Variants in PTCH1 observed in about 807,000 individuals in gnomAD.
The protein encoded by PTCH1 is patched 1.
In PTCH1, 14 loss-of-function variants were observed where a neutral mutation model predicts 144.6. That is an observed-to-expected ratio of 0.10 (90% confidence interval 0.06 to 0.15). PTCH1 has a LOEUF of 0.15. Among genes scored for constraint, PTCH1 ranks in the 10% least tolerant of loss-of-function variants. The pLI, the probability that PTCH1 is intolerant of heterozygous loss-of-function variation, is 1.00. For missense variants in PTCH1, 1,623 were observed against 1,948.3 expected, an observed-to-expected ratio of 0.83 and a Z score of 3.14; for synonymous variants, 833 against 793.6, an observed-to-expected ratio of 1.05 and a Z score of -0.83.
intron 6 of PTCH1, 100 bp from the exon 7 acceptor site, chr9:95,480,190 A>G (rs2118403080): frequency 6.3e-7 from 1 of 1,582,008 alleles, no homozygotes; most frequent in Non-Finnish European, 8.6e-7. Context: ...TTCAGAGAGA[A>G]CATTAATAGC....
intron 15 of PTCH1, among the ~76,000 whole-genome samples, chr9:95,463,640 A>G (rs2136703848): frequency 6.6e-6 from 1 of 152,208 alleles, no homozygotes; most frequent in African/African-American, 2.4e-5. Context: ...TCCCTTAACC[A>G]GCTAATCCTG....
At chr9:95,483,159 T>C (rs1213263595) in intron 3 of PTCH1, 1 of 151,590 alleles carries the variant, frequency 6.6e-6, no homozygotes, top group Non-Finnish European at 1.5e-5. Flanking sequence ...TCCCAGCTAC[T>C]CGGGAGGCAG....
At chr9:95,494,239 G>A (rs1426732273) in intron 2 of PTCH1, 1 of 985,484 alleles carries the variant, frequency 1.0e-6, no homozygotes, top group Non-Finnish European at 1.2e-6. Context: ...TGCTCCCTCT[G>A]AATGGCTTTC....
At chr9:95,479,921 A>G (rs1299341532) in intron 7 of PTCH1, 48 bp downstream of exon 7, 1 of 1,614,024 alleles carries the variant, frequency 6.2e-7, no homozygotes, top group Non-Finnish European at 8.5e-7. Flanking sequence ...GCTTTTGAGG[A>G]AAGGAAGAAG....
intron 2 of PTCH1, among the ~76,000 whole-genome samples, chr9:95,494,602 A>G (rs1413879347): frequency 6.6e-6 from 1 of 152,186 alleles, no homozygotes; most frequent in East Asian, 1.9e-4. Context: ...AGGCAGGCAG[A>G]TGCACACCCA....
At position 95,508,399 on chromosome 9, in the gene PTCH1, C is replaced by T. The variant is rs1445326148; in HGVS notation, c.-38G>A. 1 of 1,103,982 alleles carries T rather than the reference C, an allele frequency of 9.1e-7. No homozygotes were observed. Among genetic ancestry groups the T allele is most frequent in the Non-Finnish European group, 1.1e-6 (1 of 908,774 alleles). 68.4% of individuals were successfully genotyped at this position (1,103,982 alleles called of 1,614,324 possible). A position where few individuals can be genotyped will look rare whatever the true frequency, so the allele number is the denominator to read the frequency against. On this transcript the variant is annotated 5_prime_UTR_variant, in exon 1 of 24. Transcript: ENST00000331920. ...GCCGCCGCCGCCGCGGGGACGGAGGCTTCCCGGGCGGCCCGGCGCGCTGCT... is the reference window on the plus strand; with the variant it reads ...GCCGCCGCCGCCGCGGGGACGGAGGTTTCCCGGGCGGCCCGGCGCGCTGCT...
chr9:95,508,866 G>T lies in PTCH1; in HGVS notation c.-505C>A, dbSNP rs1326373649. 1 of 979,650 alleles carries T rather than the reference G, an allele frequency of 1.0e-6. No homozygotes were observed. Among genetic ancestry groups the T allele is most frequent in the Non-Finnish European group, 1.2e-6 (1 of 825,404 alleles). 60.7% of individuals were successfully genotyped at this position (979,650 alleles called of 1,614,324 possible). A position where few individuals can be genotyped will look rare whatever the true frequency, so the allele number is the denominator to read the frequency against. ...CCGGGTCGCCCGAGCGGCCGCGGAGGGCAAGCGCAGAGCCGCCGCCGCCGC... is the reference window on the plus strand; with the variant it reads ...CCGGGTCGCCCGAGCGGCCGCGGAGTGCAAGCGCAGAGCCGCCGCCGCCGC... On this transcript the variant is annotated 5_prime_UTR_variant, in exon 1 of 24. Transcript: ENST00000331920.
At chr9:95,465,369 G>A (rs1839906970) in intron 15 of PTCH1, among the ~76,000 whole-genome samples, 2 of 152,096 alleles carry the variant, frequency 1.3e-5, no homozygotes, top group African/African-American at 4.8e-5. Flanking sequence ...TTGGTCAATG[G>A]GGGGAAAATG....
At chr9:95,477,020 T>G (rs1010132009) in intron 10 of PTCH1, among the ~76,000 whole-genome samples, 163 bp from the exon 11 acceptor site, 9 of 152,380 alleles carry the variant, frequency 5.9e-5, no homozygotes, top group Non-Finnish European at 1.3e-4. Flanking sequence ...CCTAGCCATT[T>G]CAGCTCACAG....
upstream of PTCH1, among the ~76,000 whole-genome samples, chr9:95,510,885 C>A (rs1223836586): frequency 6.6e-6 from 1 of 151,078 alleles, no homozygotes; most frequent in Non-Finnish European, 1.5e-5. Context: ...CTCCCCGCGC[C>A]CGCGCGGCCG....
At chr9:95,469,968 G>C (rs753673032) in intron 12 of PTCH1, 37 bp from the exon 13 acceptor site, 1 of 1,433,352 alleles carries the variant, frequency 7.0e-7, no homozygotes, top group African/African-American at 1.4e-5. Context: ...TCACCAACAT[G>C]CCTCCGCCCA....
chr9:95,446,794 G>T (rs1455291611), intron 23 of PTCH1, 117 bp downstream of exon 23: 19 of 1,357,372 alleles, frequency 1.4e-5, no homozygotes, highest in Non-Finnish European at 2.0e-5. Context: ...CTGGGGTCCA[G>T]CGTGGGATGT....
Position 95,504,882 on chromosome 9 carries a change from T to C in PTCH1, c.394+1525A>G, listed in dbSNP as rs189993996. Among the ~76,000 whole-genome samples, 511 of 152,296 alleles carry C rather than the reference T, an allele frequency of 3.4e-3. 4 individuals carry two copies. Among genetic ancestry groups the C allele is most frequent in the Non-Finnish European group, 4.2e-3 (286 of 68,032 alleles). ...TCGCACACACTTGAGTCTCTTATGGTGCTTAACACAGTGCTAGGGACATCA... is the reference window on the plus strand; with the variant it reads ...TCGCACACACTTGAGTCTCTTATGGCGCTTAACACAGTGCTAGGGACATCA... On this transcript the variant is annotated intron_variant, in intron 2 of 23. Coordinates refer to ENST00000331920, the MANE Select transcript of PTCH1 (RefSeq NM_000264.5).
At position 95,481,930 on chromosome 9, in the gene PTCH1, A is replaced by G; in HGVS notation, c.746+19T>C. 1.9e-6 allele frequency: 3 copies of G among 1,582,478 alleles called. No individual in the cohort carries two copies. The highest frequency in any genetic ancestry group is 2.6e-6 in the Non-Finnish European group (3 of 1,151,228). ...CCTAGAGAAGTCACAGACATCAGAA[A>G]GCATGATCACACACTTACAGGAGGT... is the stretch of plus-strand genomic sequence containing the variant. On this transcript the variant is annotated intron_variant, in intron 5 of 23. Transcript: ENST00000331920.
chr9:95,509,290 G>A (rs533864750), upstream of PTCH1, among the ~76,000 whole-genome samples: 8 of 152,296 alleles, frequency 5.3e-5, no homozygotes, highest in African/African-American at 1.9e-4. Flanking sequence ...GCGAGCGAAA[G>A]AGAAAAAGGC....
intron 12 of PTCH1, among the ~76,000 whole-genome samples, chr9:95,475,732 C>G (rs564396049): frequency 2.0e-5 from 3 of 152,184 alleles, no homozygotes; most frequent in African/African-American, 7.2e-5. Context: ...CCCCAGAGGG[C>G]AACATGGAGT....
rs2118267480 is a variant in PTCH1 at position 95,476,247 on chromosome 9, AAC to A, written c.1603-90_1603-89del. ...TGTGTGAGCAGATACGTGGCAGAATAACACAACTGTTATTACAGCTTATCATG... is the reference window on the plus strand; with the variant it reads ...TGTGTGAGCAGATACGTGGCAGAATAACAACTGTTATTACAGCTTATCATG... On this transcript the variant is annotated intron_variant, in intron 11 of 23. Coordinates refer to ENST00000331920, the MANE Select transcript of PTCH1 (RefSeq NM_000264.5). This position sits in a 1 kb window ranked among gnomAD's most constrained non-coding sequence, Gnocchi z 4.6. The A allele has an allele frequency of 1.3e-6, 2 of 1,531,896 alleles. No homozygotes were observed. Among genetic ancestry groups the A allele is most frequent in the South Asian group, 2.4e-5 (2 of 84,358 alleles). 94.9% of individuals were successfully genotyped at this position (1,531,896 alleles called of 1,614,324 possible).
At chr9:95,484,565 T>C (rs1426945061) in intron 3 of PTCH1, among the ~76,000 whole-genome samples, 1 of 152,238 alleles carries the variant, frequency 6.6e-6, no homozygotes, top group Non-Finnish European at 1.5e-5. Flanking sequence ...AATATGCCTA[T>C]ACTGCTACTT....
upstream of PTCH1, among the ~76,000 whole-genome samples, chr9:95,513,861 A>G (rs1844254304): frequency 6.6e-6 from 1 of 152,196 alleles, no homozygotes; most frequent in South Asian, 2.1e-4. Context: ...GCTCTAGCCA[A>G]CTTGTCAAAA....
Sources: gnomAD v4.1 joint callset for allele counts (sites outside exome capture counted in the v4.1 genomes callset) on GRCh38, gnomAD v4.1.1 for gene constraint, Gnocchi (gnomAD v3.1) non-coding constraint, MANE v1.5 for transcripts, NCBI Gene and HGNC (gene_info 2026-07-23, HGNC 2026-07-21) for gene names.